Variants in PIP4P2 observed in about 807,000 individuals in gnomAD.
PIP4P2 encodes type 2 phosphatidylinositol 4,5-bisphosphate 4-phosphatase.
PIP4P2 carries 19 observed loss-of-function variants against 33.3 expected under a neutral mutation model. The observed-to-expected ratio is 0.57, with a 90% CI of 0.40 to 0.84. The LOEUF is 0.84. Ranked by LOEUF, PIP4P2 falls within the 40% of genes least tolerant of loss-of-function variation. The pLI is 0.00. For missense variants in PIP4P2, 270 were observed against 324.7 expected, an observed-to-expected ratio of 0.83 and a Z score of 1.29; for synonymous variants, 110 against 111.9, an observed-to-expected ratio of 0.98 and a Z score of 0.11.
chr8:90,999,679 T>C (rs751574865), intron 5 of PIP4P2, among the ~76,000 whole-genome samples: 3 of 152,116 alleles, frequency 2.0e-5, no homozygotes, highest in Non-Finnish European at 4.4e-5. Context: ...AACAGCAGTC[T>C]CTGTTATTTT....
chr8:91,032,624 T>C (rs1210859620), intron 1 of PIP4P2, among the ~76,000 whole-genome samples: 1 of 151,612 alleles, frequency 6.6e-6, no homozygotes, highest in Non-Finnish European at 1.5e-5. Flanking sequence ...CTCCTAAAAA[T>C]ACAAAAATTA....
At chr8:91,025,294 C>T (rs1001907603) in intron 1 of PIP4P2, among the ~76,000 whole-genome samples, 3 of 152,132 alleles carry the variant, frequency 2.0e-5, no homozygotes, top group African/African-American at 7.2e-5. Context: ...TTATGGATCA[C>T]AAGGCATACA....
chr8:91,032,484 T>A (rs1812176499), intron 1 of PIP4P2, among the ~76,000 whole-genome samples: 1 of 151,918 alleles, frequency 6.6e-6, no homozygotes, highest in Non-Finnish European at 1.5e-5. Flanking sequence ...TCTTACTCAT[T>A]AAAAATGAAG....
chr8:91,015,469 A>G (rs1045068118), intron 4 of PIP4P2, among the ~76,000 whole-genome samples: 1 of 152,174 alleles, frequency 6.6e-6, no homozygotes, highest in South Asian at 2.1e-4. Flanking sequence ...CAAAAGAAAT[A>G]CCAATAGAAA....
intron 1 of PIP4P2, among the ~76,000 whole-genome samples, chr8:91,034,755 T>G (rs1160084519): frequency 1.3e-5 from 2 of 152,200 alleles, no homozygotes. Flanking sequence ...CAATGGGTTG[T>G]GCATGTGGTA....
chr8:91,019,896 T>C (rs1452783818), intron 3 of PIP4P2, among the ~76,000 whole-genome samples: 2 of 152,182 alleles, frequency 1.3e-5, no homozygotes, highest in Non-Finnish European at 2.9e-5. Context: ...AATGTGTCAT[T>C]GATTTATTAC....
chr8:91,025,364 C>A (rs1812069227), intron 1 of PIP4P2, among the ~76,000 whole-genome samples: 1 of 152,122 alleles, frequency 6.6e-6, no homozygotes, highest in Admixed American at 6.5e-5. Flanking sequence ...CACAAGTGAT[C>A]AGATTACATT....
Position 91,021,343 on chromosome 8 carries a change from T to C in PIP4P2, c.168A>G (p.Ile56Met), listed in dbSNP as rs765121932. ...TTAGTGATTGGCACACACGGCAGTT[T>C]ATTACTGGAATACCACTGGCGTCTG... is the stretch of plus-strand genomic sequence containing the variant. ...ASPDASGIPVINCRVCQSLIN... is the reference protein window; with the variant it reads ...ASPDASGIPVMNCRVCQSLIN... The change falls in exon 2 of 7, where the codon ATA becomes ATG. Residue 56 changes from isoleucine to methionine, a missense_variant. Transcript: ENST00000285419. 2 of 1,613,908 alleles carry C rather than the reference T, an allele frequency of 1.2e-6. No homozygotes were observed. The highest frequency in any genetic ancestry group is 1.7e-6 in the Non-Finnish European group (2 of 1,179,844).
chr8:91,012,589 A>G (rs910095779), intron 4 of PIP4P2, among the ~76,000 whole-genome samples: 2 of 152,114 alleles, frequency 1.3e-5, no homozygotes, highest in Non-Finnish European at 2.9e-5. Context: ...ACTTCCTATA[A>G]AATTTTGAAA....
chr8:91,037,421 T>C (rs969786949), intron 1 of PIP4P2, among the ~76,000 whole-genome samples: 2 of 152,200 alleles, frequency 1.3e-5, no homozygotes, highest in Non-Finnish European at 2.9e-5. Flanking sequence ...AACTTTCAGA[T>C]CTCATTCAAG....
intron 1 of PIP4P2, among the ~76,000 whole-genome samples, chr8:91,035,429 G>A (rs934432667): frequency 3.9e-5 from 6 of 152,140 alleles, no homozygotes; most frequent in African/African-American, 1.2e-4. Context: ...AACTTCAAAA[G>A]ACATTTTTGG....
chr8:90,995,533 G>T lies in PIP4P2; in HGVS notation c.*144C>A. Reference sequence around the variant, plus strand: ...ATATAATATAGTGCAATGAGCATTTGTTCATAAAAGACTCCCAAAGTCTTG... The same window carrying T: ...ATATAATATAGTGCAATGAGCATTTTTTCATAAAAGACTCCCAAAGTCTTG... On this transcript the variant is annotated 3_prime_UTR_variant, in exon 7 of 7. Coordinates refer to ENST00000285419, the MANE Select transcript of PIP4P2 (RefSeq NM_018710.3). 9.9e-7 allele frequency: 1 copy of T among 1,007,146 alleles called. No homozygotes were observed. The highest frequency in any genetic ancestry group is 1.3e-6 in the Non-Finnish European group (1 of 743,942). The allele number at this position is 1,007,146 out of a possible 1,614,324, so 62.4% of individuals were successfully genotyped here. A position where few individuals can be genotyped will look rare whatever the true frequency, so the allele number is the denominator to read the frequency against.
chr8:91,019,843 G>A (rs1407089706), intron 3 of PIP4P2, among the ~76,000 whole-genome samples: 1 of 152,128 alleles, frequency 6.6e-6, no homozygotes, highest in East Asian at 1.9e-4. Flanking sequence ...TAGGAATACA[G>A]GCATGAACCA....
At chr8:91,010,779 A>G (rs1489202937) in intron 4 of PIP4P2, among the ~76,000 whole-genome samples, 1 of 151,872 alleles carries the variant, frequency 6.6e-6, no homozygotes, top group East Asian at 1.9e-4. Context: ...AAGTCTCATT[A>G]TACCAAAAAG....
Position 91,009,100 on chromosome 8 carries a change from C to T in PIP4P2, c.487-305G>A, listed in dbSNP as rs1811798657. Among the ~76,000 whole-genome samples the T allele has an allele frequency of 1.3e-5, 2 of 152,072 alleles. 1 individual carries two copies. Among genetic ancestry groups the T allele is most frequent in the South Asian group, 4.1e-4 (2 of 4,826 alleles). On this transcript the variant is annotated intron_variant, in intron 4 of 6. Transcript: ENST00000285419. ...TGTTCAGTAAGTCTCAGTTCACTTC[C>T]AACGAATACAATCATATTTCATATA...
At chr8:91,032,060 A>C (rs1289831251) in intron 1 of PIP4P2, among the ~76,000 whole-genome samples, 1 of 152,202 alleles carries the variant, frequency 6.6e-6, no homozygotes, top group East Asian at 1.9e-4. Flanking sequence ...CTGAGATGTA[A>C]AGTAACGATT....
intron 1 of PIP4P2, among the ~76,000 whole-genome samples, chr8:91,024,738 C>G (rs1340764831): frequency 6.6e-6 from 1 of 152,058 alleles, no homozygotes; most frequent in Non-Finnish European, 1.5e-5. Context: ...TACTTGTTAT[C>G]TAAACAATGG....
chr8:91,002,695 G>C (rs1409643239), intron 5 of PIP4P2, among the ~76,000 whole-genome samples: 3 of 152,152 alleles, frequency 2.0e-5, no homozygotes, highest in African/African-American at 7.2e-5. Flanking sequence ...AATAACCTTT[G>C]TGCCACAGAA....
intron 1 of PIP4P2, among the ~76,000 whole-genome samples, chr8:91,039,960 A>G (rs1046572555): frequency 6.6e-6 from 1 of 152,188 alleles, no homozygotes; most frequent in Non-Finnish European, 1.5e-5. Context: ...TCTCACCCAG[A>G]TATGTGTTAA....
Sources: gnomAD v4.1 joint callset for allele counts (sites outside exome capture counted in the v4.1 genomes callset) on GRCh38, gnomAD v4.1.1 for gene constraint, MANE v1.5 for transcripts, NCBI Gene and HGNC (gene_info 2026-07-23, HGNC 2026-07-21) for gene names.